Variants in GAREM1 observed in about 807,000 individuals in gnomAD.
GAREM1 encodes GRB2-associated and regulator of MAPK protein 1.
Under a neutral mutation model 71.3 loss-of-function variants are expected in GAREM1, and 26 were observed. The ratio of observed to expected loss-of-function variants is 0.36; its 90% CI spans 0.27 to 0.51. The LOEUF (loss-of-function observed/expected upper bound fraction) is 0.51, where lower values mean the gene tolerates loss of function less well. Ranked by LOEUF, GAREM1 falls within the 20% of genes least tolerant of loss-of-function variation. The pLI is 0.95. For synonymous variants in GAREM1, 440 were observed against 433.2 expected (o/e 1.02, Z -0.20); for missense variants, 1,026 against 1,103.1 (o/e 0.93, Z 0.99).
At chr18:32,325,998 CTAT>C (rs1188239617) in intron 2 of GAREM1, among the ~76,000 whole-genome samples, 9 of 152,168 alleles carry the variant, frequency 5.9e-5, no homozygotes, top group African/African-American at 2.2e-4. Flanking sequence ...TGTAATCATG[CTAT>C]TATTCTGATT....
chr18:32,466,604 T>C (rs963578665), intron 1 of GAREM1, among the ~76,000 whole-genome samples: 1 of 152,106 alleles, frequency 6.6e-6, no homozygotes, highest in African/African-American at 2.4e-5. Flanking sequence ...GCCTTCAGGG[T>C]CTATCCAAGA....
At chr18:32,351,644 T>C (rs2047752592) in intron 2 of GAREM1, among the ~76,000 whole-genome samples, 1 of 151,854 alleles carries the variant, frequency 6.6e-6, no homozygotes, top group Non-Finnish European at 1.5e-5. Context: ...TAATAAATAT[T>C]CTAAAAAATA....
intron 1 of GAREM1, chr18:32,413,275 G>A (rs1416701101): frequency 6.9e-6 from 10 of 1,439,596 alleles, no homozygotes; most frequent in Non-Finnish European, 9.7e-6. Context: ...GACAGTTTGG[G>A]GGAGTCACTC....
intron 1 of GAREM1, among the ~76,000 whole-genome samples, chr18:32,398,974 G>A (rs1039753161): frequency 6.6e-6 from 1 of 152,136 alleles, no homozygotes; most frequent in African/African-American, 2.4e-5. Context: ...TATCCACCAT[G>A]ATCAAGTGGG....
intron 2 of GAREM1, among the ~76,000 whole-genome samples, chr18:32,358,527 T>C (rs938421726): frequency 6.6e-6 from 1 of 152,186 alleles, no homozygotes; most frequent in East Asian, 1.9e-4. Context: ...GAAGTATTGA[T>C]ATTCTTTCCT....
At chr18:32,412,450 C>T (rs1184376299) in intron 1 of GAREM1, 11 of 1,589,986 alleles carry the variant, frequency 6.9e-6, no homozygotes, top group East Asian at 2.2e-5. Flanking sequence ...CCATTAGAGC[C>T]ATCCCCACTG....
chr18:32,310,722 C>T (rs573845347), intron 2 of GAREM1, among the ~76,000 whole-genome samples: 17 of 152,162 alleles, frequency 1.1e-4, no homozygotes, highest in East Asian at 3.9e-4. Flanking sequence ...ATTCTAGAAC[C>T]GAGTCTTAGA....
intron 1 of GAREM1, among the ~76,000 whole-genome samples, chr18:32,427,361 C>G (rs544113899): frequency 6.6e-6 from 1 of 152,218 alleles, no homozygotes; most frequent in South Asian, 2.1e-4. Context: ...ATAAGAAAAA[C>G]TTAAGTTCAA....
intron 2 of GAREM1, among the ~76,000 whole-genome samples, chr18:32,324,221 G>T (rs1020801334): frequency 1.3e-5 from 2 of 152,154 alleles, no homozygotes; most frequent in Admixed American, 1.3e-4. Context: ...TCTCTTCTAC[G>T]CCTTATGGAA....
intron 1 of GAREM1, among the ~76,000 whole-genome samples, chr18:32,396,562 GA>G (rs1295610549): frequency 6.6e-6 from 1 of 152,198 alleles, no homozygotes; most frequent in Non-Finnish European, 1.5e-5. Context: ...ATCAGTGATT[GA>G]AGATCAAATG....
At chr18:32,284,073 T>C (rs755403986) in intron 4 of GAREM1, among the ~76,000 whole-genome samples, 33 of 152,210 alleles carry the variant, frequency 2.2e-4, no homozygotes, top group Non-Finnish European at 4.1e-4. Context: ...CACTTAAATT[T>C]ATGCCCCATT....
chr18:32,460,683 C>G lies in GAREM1; in HGVS notation c.121+9625G>C, dbSNP rs142150024. ...CGTAGTTTTGTAACATTATTTGGACCAAGTGGCTTGTTTGCTTAGAAGTAA... is the reference window on the plus strand; with the variant it reads ...CGTAGTTTTGTAACATTATTTGGACGAAGTGGCTTGTTTGCTTAGAAGTAA... On this transcript the variant is annotated intron_variant, in intron 1 of 5. Coordinates refer to ENST00000269209, the MANE Select transcript of GAREM1 (RefSeq NM_001242409.2). Among the ~76,000 whole-genome samples the G allele has an allele frequency of 1.5e-4, 23 of 152,224 alleles. No homozygotes were observed. The East Asian group carries it at 4.4e-3, about 29-fold the overall frequency.
chr18:32,400,461 TCAAA>T (rs2048303763), intron 1 of GAREM1, among the ~76,000 whole-genome samples: 2 of 151,932 alleles, frequency 1.3e-5, no homozygotes, highest in Non-Finnish European at 2.9e-5. Context: ...TACAAAGAAC[TCAAA>T]CAAATTTACA....
chr18:32,342,831 G>C (rs1304672631), intron 2 of GAREM1, among the ~76,000 whole-genome samples: 38 of 152,212 alleles, frequency 2.5e-4, no homozygotes. Flanking sequence ...GACAGGTAGA[G>C]GTCTACTTTT....
intron 2 of GAREM1, among the ~76,000 whole-genome samples, chr18:32,359,376 A>G (rs1333209790): frequency 6.6e-6 from 1 of 152,122 alleles, no homozygotes; most frequent in Non-Finnish European, 1.5e-5. Context: ...CACACCGCAT[A>G]TACTCACACT....
chr18:32,369,178 A>G (rs1218548387), intron 2 of GAREM1, among the ~76,000 whole-genome samples: 4 of 152,226 alleles, frequency 2.6e-5, no homozygotes, highest in Non-Finnish European at 4.4e-5. Flanking sequence ...CCAAGTGTGT[A>G]TTCACATTTC....
intron 2 of GAREM1, among the ~76,000 whole-genome samples, chr18:32,385,100 G>A (rs2048132650): frequency 1.3e-5 from 2 of 151,574 alleles, no homozygotes; most frequent in African/African-American, 4.8e-5. Flanking sequence ...AGTCTAGAAA[G>A]ATTTCTCAGA....
chr18:32,455,849 G>A (rs558655520), intron 1 of GAREM1, among the ~76,000 whole-genome samples: 8 of 152,166 alleles, frequency 5.3e-5, no homozygotes, highest in South Asian at 2.1e-4. Context: ...AGGTAGTCCT[G>A]GAAAGAAAGG....
chr18:32,393,008 T>C lies in GAREM1; in HGVS notation c.149A>G (p.Asn50Ser), dbSNP rs1202861186. 1.2e-6 allele frequency: 2 copies of C among 1,613,398 alleles called. No individual in the cohort carries two copies. Among genetic ancestry groups the C allele is most frequent in the Non-Finnish European group, 1.7e-6 (2 of 1,179,680 alleles). ...GCAGGAATGAATCAGCAGATAGTCA[T>C]TTTCCCGCAGCCCTTCTACGCACTC... ...NGECVEGLRE[N>S]DYLLIHSCRQ... Residue 50 changes from asparagine to serine, a missense_variant, in exon 2 of 6, where the codon AAT becomes AGT. Transcript: ENST00000269209.
Sources: allele counts gnomAD v4.1 joint callset (sites outside exome capture counted in the v4.1 genomes callset), GRCh38; gene constraint gnomAD v4.1.1; transcripts MANE v1.5; gene names NCBI Gene and HGNC (gene_info 2026-07-23, HGNC 2026-07-21).